GLDC: variants seen among roughly 807,000 people sequenced by gnomAD.
The protein encoded by GLDC is glycine decarboxylase, also known as glycine dehydrogenase (decarboxylating), mitochondrial.
GLDC carries 104 observed loss-of-function variants against 121.3 expected under a neutral mutation model. The ratio of observed to expected loss-of-function variants is 0.86; its 90% CI spans 0.73 to 1.01. The LOEUF (loss-of-function observed/expected upper bound fraction) is 1.01, where lower values mean the gene tolerates loss of function less well. Ranked by LOEUF, GLDC falls within the 50% of genes least tolerant of loss-of-function variation. The pLI, the probability that GLDC is intolerant of heterozygous loss-of-function variation, is 0.00. For missense variants in GLDC, 1,429 were observed against 1,306.6 expected (o/e 1.09, Z -1.44); for synonymous variants, 546 against 480.6 (o/e 1.14, Z -1.78).
chr9:6,536,849 A>G (rs911526123), intron 22 of GLDC, among the ~76,000 whole-genome samples: 1 of 152,226 alleles, frequency 6.6e-6, no homozygotes, highest in African/African-American at 2.4e-5. Context: ...TGATAAGGAA[A>G]CTGAAGTTTG....
At chr9:6,542,452 G>C (rs1817287348) in intron 21 of GLDC, 1 of 152,078 alleles carries the variant, frequency 6.6e-6, no homozygotes, top group Non-Finnish European at 1.5e-5. Context: ...GGCTAGGCTG[G>C]TCTCAAACTC....
At chr9:6,594,120 T>TA (rs1303821289) in intron 9 of GLDC, among the ~76,000 whole-genome samples, 1 of 152,158 alleles carries the variant, frequency 6.6e-6, no homozygotes, top group Non-Finnish European at 1.5e-5. Flanking sequence ...TAACCATGTC[T>TA]AGCTCACTAC....
chr9:6,534,572 T>C (rs1587908540), intron 24 of GLDC, 136 bp downstream of exon 24: 1 of 668,992 alleles, frequency 1.5e-6, no homozygotes, highest in East Asian at 2.9e-5. Flanking sequence ...TTGCTCCTCA[T>C]TCCTCTTCAA....
chr9:6,600,878 A>C (rs1319957928), intron 8 of GLDC, among the ~76,000 whole-genome samples: 1 of 152,104 alleles, frequency 6.6e-6, no homozygotes, highest in Non-Finnish European at 1.5e-5. Context: ...CATCCTTTTA[A>C]AGAATGCCAG....
In GLDC at chr9:6,645,595, G is replaced by T. The variant is rs996549721; in HGVS notation, c.-96C>A. On this transcript the variant is annotated 5_prime_UTR_variant, in exon 1 of 25. Transcript: ENST00000321612. ...GTCCCCCGGGTGGCGGCTGCGCCCG[G>T]CCTGGAGCCCCTTTCGCTGGACAGT... The T allele has an allele frequency of 4.4e-6, 4 of 907,124 alleles. No individual in the cohort carries two copies. Among genetic ancestry groups the T allele is most frequent in the African/African-American group, 3.6e-5 (2 of 56,328 alleles). 56.2% of individuals were successfully genotyped at this position (907,124 alleles called of 1,614,324 possible). A position where few individuals can be genotyped will look rare whatever the true frequency, so the allele number is the denominator to read the frequency against.
intron 21 of GLDC, among the ~76,000 whole-genome samples, chr9:6,547,094 C>T (rs867204956): frequency 6.6e-5 from 10 of 152,094 alleles, no homozygotes; most frequent in Admixed American, 2.6e-4. Flanking sequence ...AGACAACCCG[C>T]CTCAGCCTTC....
At chr9:6,562,881 G>T (rs1215810426) in intron 16 of GLDC, among the ~76,000 whole-genome samples, 1 of 152,188 alleles carries the variant, frequency 6.6e-6, no homozygotes, top group Non-Finnish European at 1.5e-5. Flanking sequence ...TTCTGATCCA[G>T]AAGGATGCCA....
chr9:6,576,254 C>G (rs1335247055), intron 15 of GLDC, among the ~76,000 whole-genome samples: 1 of 152,126 alleles, frequency 6.6e-6, no homozygotes, highest in African/African-American at 2.4e-5. Context: ...AGCCAGCAGA[C>G]TTAGTGTCTA....
intron 20 of GLDC, among the ~76,000 whole-genome samples, chr9:6,552,801 G>A (rs1330904678): frequency 6.6e-6 from 1 of 152,108 alleles, no homozygotes; most frequent in African/African-American, 2.4e-5. Flanking sequence ...TTTGGAATAA[G>A]ACAAAGGAAG....
rs1378917925 is a variant in GLDC, at chr9:6,604,648, A to C, written c.998T>G (p.Phe333Cys). The change falls in exon 7 of 25, where the codon TTT (phenylalanine) becomes TGT (cysteine). Residue 333 changes from phenylalanine to cysteine, a missense_variant. Coordinates refer to ENST00000321612, the MANE Select transcript of GLDC (RefSeq NM_000170.3). ...CACCAAGCTTTCTCGGACAGCAAAA[A>C]ATGCTGCATGGGGTCCCCCATAGCC... ...PLGYGGPHAA[F>C]FAVRESLVRM... 6.2e-7 allele frequency: 1 copy of C among 1,613,846 alleles called. No individual in the cohort carries two copies. Among genetic ancestry groups the C allele is most frequent in the Non-Finnish European group, 8.5e-7 (1 of 1,180,000 alleles).
chr9:6,570,232 C>G (rs565979446), intron 15 of GLDC, among the ~76,000 whole-genome samples: 185 of 152,198 alleles, frequency 1.2e-3, no homozygotes, highest in African/African-American at 4.1e-3. Flanking sequence ...TATTTGTGTT[C>G]TCAAATAGAA....
chr9:6,617,736 AT>A (rs2129940483), intron 3 of GLDC, among the ~76,000 whole-genome samples: 1 of 152,364 alleles, frequency 6.6e-6, no homozygotes, highest in Admixed American at 6.5e-5. Context: ...GATAAAAATA[AT>A]TGCATCTACG....
intron 21 of GLDC, 134 bp downstream of exon 21, chr9:6,550,669 A>C: frequency 2.7e-6 from 2 of 728,154 alleles, no homozygotes; most frequent in Non-Finnish European, 5.0e-6. Flanking sequence ...GTTATTTCCA[A>C]GAACTCTACA....
chr9:6,603,831 G>C (rs1196402451), intron 7 of GLDC, among the ~76,000 whole-genome samples: 1 of 151,086 alleles, frequency 6.6e-6, no homozygotes, highest in African/African-American at 2.4e-5. Flanking sequence ...CGTGGTTCAA[G>C]TGATTCTCCT....
chr9:6,558,458 T>A (rs968623294), intron 17 of GLDC, 101 bp downstream of exon 17: 3 of 1,355,736 alleles, frequency 2.2e-6, no homozygotes, highest in Non-Finnish European at 3.2e-6. Flanking sequence ...GACTTTTCAT[T>A]AGAATGCAAG....
intron 2 of GLDC, among the ~76,000 whole-genome samples, chr9:6,629,081 T>C (rs1362156891): frequency 6.6e-6 from 1 of 151,842 alleles, no homozygotes; most frequent in Non-Finnish European, 1.5e-5. Context: ...GAATGCTTCC[T>C]CTTTACATCA....
intron 22 of GLDC, among the ~76,000 whole-genome samples, chr9:6,537,069 C>G (rs76526061): frequency 4.2e-4 from 61 of 144,396 alleles, no homozygotes; most frequent in Admixed American, 8.5e-4. Flanking sequence ...CTTGCTGTAT[C>G]GCTCAGGTTA....
intron 3 of GLDC, among the ~76,000 whole-genome samples, chr9:6,619,570 A>G (rs112603984): frequency 0.015 from 2,243 of 152,150 alleles, 60 homozygotes; most frequent in African/African-American, 0.051. Flanking sequence ...TCTACTAAAA[A>G]TACAAAAATT....
At chr9:6,620,400 T>C in intron 2 of GLDC, 81 bp from the exon 3 acceptor site, 1 of 1,214,554 alleles carries the variant, frequency 8.2e-7, no homozygotes, top group Non-Finnish European at 1.2e-6. Context: ...CCTCATTTTG[T>C]TTGAGTATTT....
Sources: gnomAD v4.1 joint callset for allele counts (sites outside exome capture counted in the v4.1 genomes callset) on GRCh38, gnomAD v4.1.1 for gene constraint, MANE v1.5 for transcripts, NCBI Gene and HGNC (gene_info 2026-07-23, HGNC 2026-07-21) for gene names.